NTRK3: variants seen among roughly 807,000 people sequenced by gnomAD.
The protein encoded by NTRK3 is NT-3 growth factor receptor.
Under a neutral mutation model 91.7 loss-of-function variants are expected in NTRK3, and 24 were observed. The observed-to-expected ratio is 0.26, with a 90% CI of 0.19 to 0.37. The LOEUF is 0.37. NTRK3 is among the 10% of genes least tolerant of loss of function. The probability of loss-of-function intolerance (pLI) is 1.00; values close to 1 mark genes in which losing one functional copy is unlikely to be tolerated. For missense variants in NTRK3, 880 were observed against 1,068.9 expected, an observed-to-expected ratio of 0.82 and a Z score of 2.46; for synonymous variants, 483 against 404.0, an observed-to-expected ratio of 1.20 and a Z score of -2.34.
At chr15:88,052,391 G>A (rs2080921295) in intron 13 of NTRK3, among the ~76,000 whole-genome samples, 1 of 152,190 alleles carries the variant, frequency 6.6e-6, no homozygotes, top group South Asian at 2.1e-4. Flanking sequence ...GCTAGAAAGG[G>A]GAAAAATTAG....
intron 10 of NTRK3, among the ~76,000 whole-genome samples, chr15:88,133,885 G>A (rs905230437): frequency 6.6e-6 from 1 of 152,144 alleles, no homozygotes; most frequent in Non-Finnish European, 1.5e-5. Flanking sequence ...GACCTCAACG[G>A]CAAGAATTTA....
intron 5 of NTRK3, among the ~76,000 whole-genome samples, chr15:88,157,162 C>G (rs1231560065): frequency 6.6e-6 from 1 of 152,118 alleles, no homozygotes; most frequent in Admixed American, 6.5e-5. Context: ...CATTGCGCAG[C>G]CAAGCCAGAC....
intron 6 of NTRK3, among the ~76,000 whole-genome samples, chr15:88,147,000 TAA>T (rs2042945892): frequency 6.6e-6 from 1 of 152,170 alleles, no homozygotes; most frequent in Non-Finnish European, 1.5e-5. Context: ...TAATAGTCTA[TAA>T]AGTTATATAT....
intron 14 of NTRK3, among the ~76,000 whole-genome samples, chr15:87,990,994 T>G (rs2075244788): frequency 6.6e-6 from 1 of 152,216 alleles, no homozygotes; most frequent in Non-Finnish European, 1.5e-5. Flanking sequence ...GTTCTAATCC[T>G]TTTACAAAAC....
intron 14 of NTRK3, among the ~76,000 whole-genome samples, chr15:88,016,931 A>G (rs1241860467): frequency 7.0e-6 from 1 of 141,890 alleles, no homozygotes; most frequent in East Asian, 2.2e-4. Context: ...TTTCAGACAG[A>G]GGTTAAAATG....
chr15:88,255,858 G>A lies in NTRK3; in HGVS notation c.248+48C>T, dbSNP rs372915113. On this transcript the variant is annotated intron_variant, in intron 3 of 18. Coordinates refer to ENST00000394480, the Ensembl canonical transcript of NTRK3. The surrounding 1 kb of genome is among the most constrained non-coding windows in gnomAD (Gnocchi z 4.3). ...CCCGGCCGCGGGTGGGCAGGAGGGA[G>A]ACGCAGAGCGCGGGGGAGGCAGGCT... is the stretch of plus-strand genomic sequence containing the variant. The A allele has an allele frequency of 1.3e-5, 21 of 1,558,862 alleles. No individual in the cohort carries two copies. The highest frequency in any genetic ancestry group is 6.9e-5 in the African/African-American group (5 of 72,846).
At chr15:88,192,748 C>T (rs2047512121) in intron 3 of NTRK3, among the ~76,000 whole-genome samples, 2 of 152,094 alleles carry the variant, frequency 1.3e-5, no homozygotes, top group South Asian at 2.1e-4. Flanking sequence ...ATATGCCAAG[C>T]TTATTCCCAA....
intron 13 of NTRK3, among the ~76,000 whole-genome samples, chr15:88,085,204 G>A (rs930018277): frequency 6.6e-6 from 1 of 152,176 alleles, no homozygotes. Context: ...GATAAGGGAT[G>A]GGTTTTCAGA....
At chr15:88,042,509 C>T (rs1476658685) in intron 13 of NTRK3, among the ~76,000 whole-genome samples, 1 of 152,226 alleles carries the variant, frequency 6.6e-6, no homozygotes, top group Non-Finnish European at 1.5e-5. Flanking sequence ...GGCCTGCCCT[C>T]CGCACTTCTC....
intron 13 of NTRK3, 113 bp downstream of exon 13, chr15:88,126,158 C>T (rs1322332647): frequency 2.6e-6 from 2 of 775,602 alleles, no homozygotes; most frequent in African/African-American, 1.7e-5. Context: ...CCAGTTAGAC[C>T]CCATGACCGG....
intron 6 of NTRK3, among the ~76,000 whole-genome samples, chr15:88,137,871 T>G (rs1412425813): frequency 1.3e-5 from 2 of 152,094 alleles, no homozygotes; most frequent in Non-Finnish European, 2.9e-5. Context: ...ACCAACATGG[T>G]GAAACCCCGT....
intron 3 of NTRK3, chr15:88,209,906 AG>A (rs1373947053): frequency 6.6e-6 from 1 of 152,440 alleles, no homozygotes; most frequent in African/African-American, 2.4e-5. Flanking sequence ...GGTAAATGAC[AG>A]ACTCATTCTG....
At chr15:88,208,049 A>G (rs1011923574) in intron 3 of NTRK3, among the ~76,000 whole-genome samples, 1 of 152,140 alleles carries the variant, frequency 6.6e-6, no homozygotes, top group Non-Finnish European at 1.5e-5. Context: ...ACTCCCTGCA[A>G]TGGGATCTGT....
chr15:88,096,222 C>T (rs758184701), intron 13 of NTRK3, among the ~76,000 whole-genome samples: 9 of 152,166 alleles, frequency 5.9e-5, no homozygotes, highest in Admixed American at 2.6e-4. Context: ...CTTATTCTCT[C>T]CCATCCCCAA....
At chr15:88,191,503 A>T (rs1377551055) in intron 3 of NTRK3, among the ~76,000 whole-genome samples, 1 of 152,206 alleles carries the variant, frequency 6.6e-6, no homozygotes, top group African/African-American at 2.4e-5. Flanking sequence ...AAAAGCTTCA[A>T]AAACAAGATT....
At chr15:88,036,242 A>G (rs1258499007) in intron 13 of NTRK3, among the ~76,000 whole-genome samples, 1 of 152,174 alleles carries the variant, frequency 6.6e-6, no homozygotes, top group Non-Finnish European at 1.5e-5. Context: ...ACAAAATGCC[A>G]GAGCCCTAGA....
At chr15:88,216,679 G>C (rs538378222) in intron 3 of NTRK3, among the ~76,000 whole-genome samples, 3 of 152,284 alleles carry the variant, frequency 2.0e-5, no homozygotes, top group South Asian at 4.1e-4. Context: ...CATCCCCTGT[G>C]GTGGGTCAAG....
At chr15:87,893,820 A>C (rs886923847) in intron 17 of NTRK3, among the ~76,000 whole-genome samples, 1 of 152,182 alleles carries the variant, frequency 6.6e-6, no homozygotes, top group African/African-American at 2.4e-5. Flanking sequence ...AAGATGAGCA[A>C]GCGTGGATTC....
intron 14 of NTRK3, among the ~76,000 whole-genome samples, chr15:87,954,806 A>C (rs1427353838): frequency 2.0e-5 from 3 of 152,250 alleles, no homozygotes; most frequent in Admixed American, 6.5e-5. Context: ...TGCTAAAAAT[A>C]AACAGATCAA....
Sources: allele counts gnomAD v4.1 joint callset (sites outside exome capture counted in the v4.1 genomes callset), GRCh38; gene constraint gnomAD v4.1.1; non-coding constraint Gnocchi (gnomAD v3.1); transcripts MANE v1.5; gene names NCBI Gene and HGNC (gene_info 2026-07-23, HGNC 2026-07-21).